Variants in SPHKAP observed in about 807,000 individuals in gnomAD.
The protein encoded by SPHKAP is A-kinase anchor protein SPHKAP.
Under a neutral mutation model 137.5 loss-of-function variants are expected in SPHKAP, and 67 were observed. That is an observed-to-expected ratio of 0.49 (90% CI 0.40 to 0.60). SPHKAP has a LOEUF of 0.60. SPHKAP is among the 20% of genes least tolerant of loss of function. SPHKAP has a pLI of 0.00. For missense variants in SPHKAP, 2,097 were observed against 2,069.3 expected, an observed-to-expected ratio of 1.01 and a Z score of -0.26; for synonymous variants, 813 against 785.3, an observed-to-expected ratio of 1.04 and a Z score of -0.59.
At chr2:228,113,814 T>C (rs1337713934) in intron 2 of SPHKAP, among the ~76,000 whole-genome samples, 2 of 152,038 alleles carry the variant, frequency 1.3e-5, no homozygotes, top group Non-Finnish European at 2.9e-5. Flanking sequence ...TCCTCCTCCC[T>C]TCCTCTTTTG....
intron 2 of SPHKAP, among the ~76,000 whole-genome samples, chr2:228,129,621 A>G (rs2106372503): frequency 6.6e-6 from 1 of 152,124 alleles, no homozygotes; most frequent in Middle Eastern, 3.4e-3. Context: ...CCCAGTAGTT[A>G]TTCCAGAAAT....
intron 1 of SPHKAP, among the ~76,000 whole-genome samples, chr2:228,157,514 A>G (rs1700141359): frequency 6.6e-6 from 1 of 152,230 alleles, no homozygotes. Context: ...GCAGGACCCA[A>G]TTAATAAGAA....
intron 1 of SPHKAP, among the ~76,000 whole-genome samples, chr2:228,168,927 G>A (rs560195145): frequency 6.6e-6 from 1 of 152,268 alleles, no homozygotes; most frequent in South Asian, 2.1e-4. Context: ...AAAAGAAACA[G>A]CCTAATTGCT....
At chr2:228,026,388 A>T (rs989680900) in intron 4 of SPHKAP, among the ~76,000 whole-genome samples, 1 of 152,140 alleles carries the variant, frequency 6.6e-6, no homozygotes, top group Admixed American at 6.6e-5. Flanking sequence ...ATATATGTTA[A>T]ATCTGACTAC....
rs1018089334 is a variant in SPHKAP, at chr2:228,181,575, C to A, written c.24G>T (p.Ser8=). Residue 8 remains serine (S), a synonymous_variant, in exon 1 of 12, where the codon TCG becomes TCT. Coordinates refer to ENST00000392056, the MANE Select transcript of SPHKAP (RefSeq NM_001142644.2). The surrounding 1 kb of genome is among the most constrained non-coding windows in gnomAD (Gnocchi z 4.3). ...AAAGAAGCGGGTCTTACCTTGGTAC[C>A]GAGAGCAGGGAGTTGCCATCCATTG... MDGNSLL[S]VPSNLESSRM... 37 of 1,614,048 alleles carry A rather than the reference C, an allele frequency of 2.3e-5. No homozygotes were observed. Among genetic ancestry groups the A allele is most frequent in the Non-Finnish European group, 3.0e-5 (35 of 1,180,032 alleles).
intron 7 of SPHKAP, among the ~76,000 whole-genome samples, chr2:227,997,507 A>G (rs1187211261): frequency 6.6e-6 from 1 of 152,254 alleles, no homozygotes; most frequent in Admixed American, 6.5e-5. Context: ...TAGTGCCTGT[A>G]TATAAGTATC....
intron 3 of SPHKAP, among the ~76,000 whole-genome samples, chr2:228,031,991 G>A (rs1256870062): frequency 6.6e-6 from 1 of 152,158 alleles, no homozygotes; most frequent in African/African-American, 2.4e-5. Flanking sequence ...TCCTCCAAAG[G>A]AACGCAGCTC....
rs1697792744 is a variant in SPHKAP, at chr2:228,092,295, G to GTATGTGTGTGTATACGTA, written c.246+16536_246+16537insTACGTATACACACACATA. 5.7e-5 allele frequency among the ~76,000 whole-genome samples: 8 copies of GTATGTGTGTGTATACGTA among 139,482 alleles called. 1 individual carries two copies. The highest frequency in any genetic ancestry group is 2.8e-4 in the Admixed American group (4 of 14,162). The allele number at this position is 139,482 out of a possible 152,430, so 91.5% of individuals were successfully genotyped here. On this transcript the variant is annotated intron_variant, in intron 3 of 11. Transcript: ENST00000392056. Reference sequence around the variant, plus strand: ...CACACGTGTATGTGCGTGTATACGTGCACACACACGTGTATGTGTGTGTAT... The same window carrying GTATGTGTGTGTATACGTA: ...CACACGTGTATGTGCGTGTATACGTGTATGTGTGTGTATACGTACACACACACGTGTATGTGTGTGTAT...
chr2:228,042,462 A>G (rs1317271682), intron 3 of SPHKAP, among the ~76,000 whole-genome samples: 1 of 152,156 alleles, frequency 6.6e-6, no homozygotes, highest in Non-Finnish European at 1.5e-5. Context: ...TATAGTCATC[A>G]TTTCTAAAAG....
chr2:228,061,620 C>G (rs975600740), intron 3 of SPHKAP, among the ~76,000 whole-genome samples: 1 of 151,982 alleles, frequency 6.6e-6, no homozygotes, highest in African/African-American at 2.4e-5. Flanking sequence ...CAATTTTACC[C>G]ATTACTGGGT....
intron 1 of SPHKAP, among the ~76,000 whole-genome samples, chr2:228,156,196 A>G (rs1429320994): frequency 6.6e-6 from 1 of 152,236 alleles, no homozygotes; most frequent in Non-Finnish European, 1.5e-5. Flanking sequence ...ACATGTAGTT[A>G]CATTCCAGTT....
chr2:228,039,654 T>C (rs1390662963), intron 3 of SPHKAP, among the ~76,000 whole-genome samples: 1 of 152,168 alleles, frequency 6.6e-6, no homozygotes, highest in Non-Finnish European at 1.5e-5. Context: ...CAAAACACAG[T>C]CATTTTTAAG....
At chr2:228,004,317 C>T (rs539787886) in intron 7 of SPHKAP, among the ~76,000 whole-genome samples, 44 of 152,202 alleles carry the variant, frequency 2.9e-4, no homozygotes, top group Admixed American at 1.7e-3. Context: ...GGAATTTATC[C>T]GTTTCTTCTA....
intron 3 of SPHKAP, among the ~76,000 whole-genome samples, chr2:228,106,750 G>A (rs1698355808): frequency 6.6e-6 from 1 of 152,062 alleles, no homozygotes. Flanking sequence ...TTTCCCTCAG[G>A]AATGTGCAAC....
At chr2:228,011,229 C>CT (rs34531138) in intron 7 of SPHKAP, among the ~76,000 whole-genome samples, 4,434 of 145,774 alleles carry the variant, frequency 0.03, 89 homozygotes, top group Middle Eastern at 0.063. Context: ...TCAAAGATGC[C>CT]TTTTTTTTTT....
At chr2:228,036,340 C>G (rs548662756) in intron 3 of SPHKAP, among the ~76,000 whole-genome samples, 1 of 152,206 alleles carries the variant, frequency 6.6e-6, no homozygotes, top group Non-Finnish European at 1.5e-5. Flanking sequence ...GAGATACCAT[C>G]TCACACCAGT....
chr2:228,053,579 C>A (rs1193417915), intron 3 of SPHKAP, among the ~76,000 whole-genome samples: 1 of 152,008 alleles, frequency 6.6e-6, no homozygotes, highest in Non-Finnish European at 1.5e-5. Flanking sequence ...CTATAATTTC[C>A]CCTACCTTTC....
intron 3 of SPHKAP, among the ~76,000 whole-genome samples, chr2:228,061,173 T>C (rs1696619353): frequency 6.6e-6 from 1 of 152,260 alleles, no homozygotes; most frequent in Admixed American, 6.5e-5. Flanking sequence ...CTGTTGGTTC[T>C]AGACAAGTAT....
At chr2:228,091,925 C>T (rs755294030) in intron 3 of SPHKAP, among the ~76,000 whole-genome samples, 2 of 151,904 alleles carry the variant, frequency 1.3e-5, no homozygotes, top group Non-Finnish European at 1.5e-5. Flanking sequence ...TGGGTATCTA[C>T]CCAGAGGAAA....
Sources: gnomAD v4.1 joint callset for allele counts (sites outside exome capture counted in the v4.1 genomes callset) on GRCh38, gnomAD v4.1.1 for gene constraint, Gnocchi (gnomAD v3.1) non-coding constraint, MANE v1.5 for transcripts, NCBI Gene and HGNC (gene_info 2026-07-23, HGNC 2026-07-21) for gene names.